Variants in WDR49 observed in about 807,000 individuals in gnomAD.
WDR49 encodes the protein WD repeat domain 49, also known as cilia- and flagella-associated protein 337.
Under a neutral mutation model 119.5 loss-of-function variants are expected in WDR49, and 107 were observed. The observed-to-expected ratio is 0.90, with a 90% CI of 0.77 to 1.05. The LOEUF is 1.05. Among genes scored for constraint, WDR49 ranks in the 50% least tolerant of loss-of-function variants. The pLI is 0.00. For synonymous variants in WDR49, 425 were observed against 418.8 expected, an observed-to-expected ratio of 1.01 and a Z score of -0.18; for missense variants, 1,240 against 1,220.5, an observed-to-expected ratio of 1.02 and a Z score of -0.24.
At chr3:167,630,867 A>T (rs566520453) in intron 2 of WDR49, among the ~76,000 whole-genome samples, 58 of 152,256 alleles carry the variant, frequency 3.8e-4, no homozygotes, top group African/African-American at 1.3e-3. Flanking sequence ...AATTAAATTC[A>T]TAGTCAACAG....
In WDR49 at chr3:167,628,365, G is replaced by C. The variant is rs561807395; in HGVS notation, c.166-1073C>G. Among the ~76,000 whole-genome samples the C allele has an allele frequency of 7.9e-5, 12 of 152,222 alleles. No homozygotes were observed. In the South Asian group the frequency reaches 8.3e-4, roughly 11 times the overall value. On this transcript the variant is annotated intron_variant, in intron 2 of 18. Coordinates refer to ENST00000682715, the MANE Select transcript of WDR49 (RefSeq NM_001366157.1). ...AAAACTAGGCTTCTTGCACAAAACA[G>C]CCAAGTTATGAATGTAAAGGAAAAG... is the stretch of plus-strand genomic sequence containing the variant.
chr3:167,566,861 G>A, intron 8 of WDR49: 1 of 685,582 alleles, frequency 1.5e-6, no homozygotes, highest in Non-Finnish European at 2.7e-6. Flanking sequence ...TTATCATAAG[G>A]GTCTTCATTC....
At chr3:167,637,323 G>A (rs1717668162) in intron 2 of WDR49, among the ~76,000 whole-genome samples, 1 of 151,714 alleles carries the variant, frequency 6.6e-6, no homozygotes, top group Non-Finnish European at 1.5e-5. Flanking sequence ...CTTTATTTCT[G>A]GGTTATCTAT....
intron 11 of WDR49, among the ~76,000 whole-genome samples, chr3:167,536,352 A>C (rs1753025873): frequency 6.6e-6 from 1 of 152,046 alleles, no homozygotes; most frequent in Admixed American, 6.6e-5. Context: ...AATATGTACA[A>C]TTATTAATAT....
At chr3:167,526,829 A>T (rs1752650704) in intron 15 of WDR49, among the ~76,000 whole-genome samples, 1 of 152,074 alleles carries the variant, frequency 6.6e-6, no homozygotes, top group Admixed American at 6.6e-5. Flanking sequence ...ACACTAAAAG[A>T]ATTGCCTACT....
chr3:167,529,517 A>G (rs1264653668), intron 13 of WDR49, among the ~76,000 whole-genome samples: 15 of 152,090 alleles, frequency 9.9e-5, no homozygotes, highest in Admixed American at 9.8e-4. Context: ...TTTTGGGGGT[A>G]TTTAAAAGTT....
intron 16 of WDR49, among the ~76,000 whole-genome samples, chr3:167,512,643 G>T (rs143425541): frequency 5.3e-5 from 8 of 152,300 alleles, no homozygotes; most frequent in African/African-American, 1.7e-4. Flanking sequence ...GGCTTCAGAA[G>T]GTGGGTAATA....
intron 18 of WDR49, among the ~76,000 whole-genome samples, chr3:167,489,877 C>T (rs1289200817): frequency 4.6e-5 from 7 of 152,080 alleles, no homozygotes; most frequent in South Asian, 2.1e-4. Context: ...TCCTATTTTG[C>T]GTCTTCTAGA....
chr3:167,604,181 G>T, intron 6 of WDR49, 120 bp downstream of exon 6: 1 of 1,148,876 alleles, frequency 8.7e-7, no homozygotes, highest in Non-Finnish European at 1.2e-6. Flanking sequence ...TAAAATGTGA[G>T]CTTCTCGAGA....
chr3:167,551,564 C>G (rs555095916), intron 10 of WDR49, among the ~76,000 whole-genome samples: 1 of 152,106 alleles, frequency 6.6e-6, no homozygotes, highest in African/African-American at 2.4e-5. Context: ...GACTTTGGCA[C>G]AGAATTCTAA....
At chr3:167,540,975 T>C (rs1475691826) in intron 10 of WDR49, among the ~76,000 whole-genome samples, 3 of 151,740 alleles carry the variant, frequency 2.0e-5, no homozygotes, top group Admixed American at 6.6e-5. Flanking sequence ...AAGACAAGGA[T>C]TTCAAATCAA....
chr3:167,509,608 G>C (rs1215329517), intron 16 of WDR49, among the ~76,000 whole-genome samples: 3 of 152,152 alleles, frequency 2.0e-5, no homozygotes, highest in Non-Finnish European at 2.9e-5. Flanking sequence ...GCTGGAGGGA[G>C]AGCTGATATG....
At chr3:167,483,609 A>G (rs1750808276) in intron 18 of WDR49, among the ~76,000 whole-genome samples, 1 of 152,248 alleles carries the variant, frequency 6.6e-6, no homozygotes, top group Admixed American at 6.5e-5. Context: ...ATATAAAATT[A>G]CAAATATAAA....
At chr3:167,535,954 C>T (rs1753005623) in intron 11 of WDR49, among the ~76,000 whole-genome samples, 1 of 152,056 alleles carries the variant, frequency 6.6e-6, no homozygotes, top group Admixed American at 6.6e-5. Context: ...ACCTGGTGGA[C>T]ATTATGTTAG....
At chr3:167,557,694 A>G in intron 9 of WDR49, among the ~76,000 whole-genome samples, 1 of 150,282 alleles carries the variant, frequency 6.7e-6, no homozygotes, top group Non-Finnish European at 1.5e-5. Context: ...CAGAGCTTGC[A>G]GTGAGCTGAG....
In WDR49 at chr3:167,560,157, A is replaced by T; in HGVS notation, c.1581T>A (p.Phe527Leu). 6.2e-7 allele frequency: 1 copy of T among 1,614,204 alleles called. No individual in the cohort carries two copies. The highest frequency in any genetic ancestry group is 1.3e-5 in the African/African-American group (1 of 75,058). Residue 527 changes from phenylalanine (F) to leucine (L), a missense_variant, in exon 9 of 19, where the codon TTT (phenylalanine) becomes TTA (leucine). Transcript: ENST00000682715. ...MIDTGQKIKQFTGCHGNAEIS... is the reference protein window; with the variant it reads ...MIDTGQKIKQLTGCHGNAEIS... ...TTTCTGCGTTGCCGTGGCAACCAGT[A>T]AACTGTTTGATTTTCTGCCCAGTGT...
At chr3:167,603,105 C>A (rs151231827) in intron 6 of WDR49, among the ~76,000 whole-genome samples, 52 of 152,186 alleles carry the variant, frequency 3.4e-4, no homozygotes, top group African/African-American at 1.2e-3. Flanking sequence ...TACTTTTGAC[C>A]TGCTTTATTA....
intron 5 of WDR49, among the ~76,000 whole-genome samples, chr3:167,614,969 C>T (rs1007529244): frequency 6.6e-6 from 1 of 152,214 alleles, no homozygotes; most frequent in African/African-American, 2.4e-5. Flanking sequence ...AAAACAACTA[C>T]AAATCCCATA....
At position 167,550,778 on chromosome 3, in the gene WDR49, T is replaced by TGA. The variant is rs757566403; in HGVS notation, c.1823+3870_1823+3871dup. On this transcript the variant is annotated intron_variant, in intron 10 of 18. Transcript: ENST00000682715. The stretch of plus-strand genomic sequence containing the variant: ...GAACTAGGAGGTTTTTTTTTTTTTT[T>TGA]GAGAGAGAGAGAGAGAGAGAGCTTT... 7.0e-3 allele frequency among the ~76,000 whole-genome samples: 1,010 copies of TGA among 143,996 alleles called. 6 individuals are homozygous for TGA. Among genetic ancestry groups the TGA allele is most frequent in the East Asian group, 0.021 (103 of 4,996 alleles). The allele number at this position is 143,996 out of a possible 152,430, so 94.5% of individuals were successfully genotyped here. A position where few individuals can be genotyped will look rare whatever the true frequency, so the allele number is the denominator to read the frequency against.
Sources: allele counts gnomAD v4.1 joint callset (sites outside exome capture counted in the v4.1 genomes callset), GRCh38; gene constraint gnomAD v4.1.1; transcripts MANE v1.5; gene names NCBI Gene and HGNC (gene_info 2026-07-23, HGNC 2026-07-21).